STK32B: variants seen among roughly 807,000 people sequenced by gnomAD.
STK32B encodes the protein serine/threonine-protein kinase 32B.
A neutral mutation model predicts 52.6 loss-of-function variants in STK32B; 43 were observed. The observed-to-expected ratio is 0.82, with a 90% CI of 0.64 to 1.05. The LOEUF is 1.05. Among genes scored for constraint, STK32B ranks in the 50% least tolerant of loss-of-function variants. The pLI, the probability that STK32B is intolerant of heterozygous loss-of-function variation, is 0.00. For missense variants in STK32B, 621 were observed against 534.6 expected, an observed-to-expected ratio of 1.16 and a Z score of -1.59; for synonymous variants, 238 against 204.3, an observed-to-expected ratio of 1.17 and a Z score of -1.41.
intron 5 of STK32B, among the ~76,000 whole-genome samples, chr4:5,408,052 C>T (rs1737793803): frequency 6.6e-6 from 1 of 152,116 alleles, no homozygotes; most frequent in African/African-American, 2.4e-5. Flanking sequence ...TCTGTCAGGG[C>T]CTTGATCTTG....
At chr4:5,234,356 G>A (rs1724483805) in intron 3 of STK32B, among the ~76,000 whole-genome samples, 1 of 152,146 alleles carries the variant, frequency 6.6e-6, no homozygotes, top group Non-Finnish European at 1.5e-5. Context: ...TGGCACGTAG[G>A]AAAAGTTTGG....
intron 3 of STK32B, among the ~76,000 whole-genome samples, chr4:5,215,207 T>G (rs1723114404): frequency 6.6e-6 from 1 of 152,208 alleles, no homozygotes; most frequent in Non-Finnish European, 1.5e-5. Context: ...AACATAGTGT[T>G]TTAACTGGGT....
intron 3 of STK32B, among the ~76,000 whole-genome samples, chr4:5,290,035 C>A (rs1394299777): frequency 6.6e-6 from 1 of 152,104 alleles, no homozygotes; most frequent in South Asian, 2.1e-4. Flanking sequence ...CAAGTAACCC[C>A]CCGTGTCTGT....
At chr4:5,202,575 C>T (rs1311689124) in intron 3 of STK32B, among the ~76,000 whole-genome samples, 3 of 152,250 alleles carry the variant, frequency 2.0e-5, no homozygotes, top group Admixed American at 6.5e-5. Flanking sequence ...AGAGGTTCTC[C>T]ATGAGGGCTC....
Position 5,127,242 on chromosome 4 carries a change from G to A in STK32B, c.53-12663G>A, listed in dbSNP as rs547295518. The A allele has an allele frequency of 1.3e-4, 57 of 449,080 alleles. 1 individual carries two copies. In the East Asian group the frequency reaches 1.8e-3, roughly 14 times the overall value. The allele number at this position is 449,080 out of a possible 1,614,324, so 27.8% of individuals were successfully genotyped here. A position where few individuals can be genotyped will look rare whatever the true frequency, so the allele number is the denominator to read the frequency against. On this transcript the variant is annotated intron_variant, in intron 1 of 11. Transcript: ENST00000282908. ...CGTCCCAGAAAATTTAAATGTCCTC[G>A]TTGTGTGGAATGGATATTAACCACA...
chr4:5,498,921 A>G, intron 11 of STK32B, 24 bp from the exon 12 acceptor site: 1 of 1,605,410 alleles, frequency 6.2e-7, no homozygotes, highest in South Asian at 1.1e-5. Flanking sequence ...CGCACCACTA[A>G]CTCAGATCTG....
chr4:5,082,802 G>A (rs1258151185), intron 1 of STK32B, among the ~76,000 whole-genome samples: 2 of 151,544 alleles, frequency 1.3e-5, no homozygotes, highest in Admixed American at 6.6e-5. Context: ...TCTTAACTTT[G>A]AGTGAGAACC....
intron 3 of STK32B, among the ~76,000 whole-genome samples, chr4:5,225,947 A>G (rs374720202): frequency 6.6e-6 from 1 of 152,134 alleles, no homozygotes; most frequent in South Asian, 2.1e-4. Context: ...TTCCCTCTCA[A>G]ATATGGTCCG....
intron 7 of STK32B, among the ~76,000 whole-genome samples, chr4:5,456,037 T>C (rs1164795823): frequency 2.0e-5 from 3 of 151,794 alleles, no homozygotes; most frequent in Non-Finnish European, 4.4e-5. Flanking sequence ...TGGGAGATAA[T>C]GTTCATGGGG....
intron 3 of STK32B, among the ~76,000 whole-genome samples, chr4:5,171,277 G>A (rs905024203): frequency 5.9e-5 from 9 of 151,892 alleles, no homozygotes; most frequent in South Asian, 4.2e-4. Context: ...CTCTGATGGT[G>A]GTTTCTTTTG....
chr4:5,451,059 A>T (rs1226487207), intron 7 of STK32B, among the ~76,000 whole-genome samples: 1 of 152,340 alleles, frequency 6.6e-6, no homozygotes, highest in Non-Finnish European at 1.5e-5. Context: ...TATCAGGCCC[A>T]CCTGCAGGGT....
At chr4:5,305,389 G>T (rs1479814412) in intron 3 of STK32B, among the ~76,000 whole-genome samples, 1 of 151,910 alleles carries the variant, frequency 6.6e-6, no homozygotes, top group African/African-American at 2.4e-5. Flanking sequence ...TCTGTTTAGG[G>T]TTTCTATTTC....
intron 1 of STK32B, among the ~76,000 whole-genome samples, chr4:5,053,181 C>G (rs796189504): frequency 5.9e-5 from 9 of 152,316 alleles, no homozygotes; most frequent in African/African-American, 1.9e-4. Flanking sequence ...CCCACGAGAG[C>G]CTTCCTTAAA....
At position 5,402,607 on chromosome 4, in the gene STK32B, C is replaced by T. The variant is rs114280385; in HGVS notation, c.472+4363C>T. 9.3e-3 allele frequency among the ~76,000 whole-genome samples: 1,420 copies of T among 152,148 alleles called. 16 individuals are homozygous for T. Among genetic ancestry groups the T allele is most frequent in the African/African-American group, 0.033 (1,354 of 41,366 alleles). On this transcript the variant is annotated intron_variant, in intron 5 of 11. Transcript: ENST00000282908. ...ACTCATGGTCTGGGGTGACTGTTCTCTGTCCTGGTGGCACATCACCTGGGT... is the reference window on the plus strand; with the variant it reads ...ACTCATGGTCTGGGGTGACTGTTCTTTGTCCTGGTGGCACATCACCTGGGT...
rs1716937306 is a variant in STK32B at position 5,460,332 on chromosome 4, CTTCCACCTGAGCACCAAGGGCTTATGT to C, written c.909+105_909+131del. ...TGGCTAGTGAGCCCTCTGCTGGCCA[CTTCCACCTGAGCACCAAGGGCTTATGT>C]CTTGCTGGAATTCAGGGTGAACTTG... On this transcript the variant is annotated intron_variant, in intron 9 of 11. Transcript: ENST00000282908. The surrounding 1 kb of genome is among the most constrained non-coding windows in gnomAD (Gnocchi z 4.8). 1 of 1,487,998 alleles carries C rather than the reference CTTCCACCTGAGCACCAAGGGCTTATGT, an allele frequency of 6.7e-7. No individual in the cohort carries two copies. The highest frequency in any genetic ancestry group is 2.3e-5 in the East Asian group (1 of 43,390). The allele number at this position is 1,487,998 out of a possible 1,614,324, so 92.2% of individuals were successfully genotyped here.
At chr4:5,241,909 T>C (rs1032990202) in intron 3 of STK32B, among the ~76,000 whole-genome samples, 10 of 152,206 alleles carry the variant, frequency 6.6e-5, no homozygotes, top group African/African-American at 2.2e-4. Context: ...CATGAACTCA[T>C]CATTTTTTAT....
chr4:5,357,062 TACACAC>T (rs777248303), intron 4 of STK32B, among the ~76,000 whole-genome samples: 1 of 146,206 alleles, frequency 6.8e-6, no homozygotes, highest in Admixed American at 6.9e-5. Context: ...CACACATATA[TACACAC>T]ATATACACAC....
intron 6 of STK32B, among the ~76,000 whole-genome samples, chr4:5,431,525 T>C (rs1305572620): frequency 6.6e-6 from 1 of 152,172 alleles, no homozygotes; most frequent in Non-Finnish European, 1.5e-5. Context: ...TTTTTTTATT[T>C]ACTAGTTGAA....
chr4:5,282,738 G>A (rs1318734555), intron 3 of STK32B, among the ~76,000 whole-genome samples: 1 of 152,036 alleles, frequency 6.6e-6, no homozygotes, highest in African/African-American at 2.4e-5. Flanking sequence ...CCAGTGGCTG[G>A]GTAGCATATA....
Sources: gnomAD v4.1 joint callset for allele counts (sites outside exome capture counted in the v4.1 genomes callset) on GRCh38, gnomAD v4.1.1 for gene constraint, Gnocchi (gnomAD v3.1) non-coding constraint, MANE v1.5 for transcripts, NCBI Gene and HGNC (gene_info 2026-07-23, HGNC 2026-07-21) for gene names.